Variants in TMPRSS15 observed in about 807,000 individuals in gnomAD.
TMPRSS15 encodes enteropeptidase.
In TMPRSS15, 128 loss-of-function variants were observed where a neutral mutation model predicts 125.3. The ratio of observed to expected loss-of-function variants is 1.02; its 90% CI spans 0.89 to 1.18. The LOEUF is 1.18. Ranked by LOEUF, TMPRSS15 falls within the 50% of genes most tolerant of loss-of-function variation. TMPRSS15 has a pLI of 0.00. For synonymous variants in TMPRSS15, 446 were observed against 423.2 expected (o/e 1.05, Z -0.66); for missense variants, 1,283 against 1,212.7 (o/e 1.06, Z -0.86).
chr21:18,407,448 C>CTTTT (rs201740388), upstream of TMPRSS15, among the ~76,000 whole-genome samples: 10 of 133,198 alleles, frequency 7.5e-5, no homozygotes, highest in South Asian at 2.3e-4. Context: ...TTTTTCTTTT[C>CTTTT]TTTTTTTTTT....
intron 1 of TMPRSS15, among the ~76,000 whole-genome samples, chr21:18,422,109 G>A (rs2076193467): frequency 6.6e-6 from 1 of 151,374 alleles, no homozygotes; most frequent in Non-Finnish European, 1.5e-5. Context: ...TCAGCCTCCT[G>A]AGTAGCTGGG....
At position 18,466,786 on chromosome 21, in the gene TMPRSS15, C is replaced by T. The variant is rs527540008; in HGVS notation, c.10+19013G>A. On this transcript the variant is annotated intron_variant, in intron 1 of 7. Transcript: ENST00000422787. ...AGATGCTGGAGAGGATGTGGAGAAA[C>T]AGGAATGCTTGTACACAGTTGGTGA... Among the ~76,000 whole-genome samples the T allele has an allele frequency of 2.2e-4, 33 of 152,110 alleles. No individual in the cohort carries two copies. The East Asian group carries it at 3.5e-3, about 16-fold the overall frequency.
At chr21:18,385,247 C>T (rs2075932591) in intron 3 of TMPRSS15, among the ~76,000 whole-genome samples, 1 of 152,144 alleles carries the variant, frequency 6.6e-6, no homozygotes, top group Admixed American at 6.5e-5. Flanking sequence ...CAAACTTACC[C>T]ATACATGAAA....
intron 1 of TMPRSS15, among the ~76,000 whole-genome samples, chr21:18,485,285 T>C (rs1382165602): frequency 6.6e-6 from 1 of 151,950 alleles, no homozygotes; most frequent in African/African-American, 2.4e-5. Flanking sequence ...AATTTTTTCC[T>C]CTTTATTTCA....
intron 3 of TMPRSS15, among the ~76,000 whole-genome samples, chr21:18,395,543 C>T (rs954990629): frequency 1.3e-5 from 2 of 152,160 alleles, no homozygotes; most frequent in African/African-American, 4.8e-5. Context: ...ATTTAGTTTG[C>T]TAAATGAATT....
At chr21:18,350,306 G>A (rs563839754) in intron 10 of TMPRSS15, among the ~76,000 whole-genome samples, 26 of 152,008 alleles carry the variant, frequency 1.7e-4, no homozygotes, top group Middle Eastern at 3.4e-3. Context: ...TTTGTCTTAC[G>A]GGGTTGGCAA....
chr21:18,448,089 A>G (rs1249524864), intron 1 of TMPRSS15, among the ~76,000 whole-genome samples: 6 of 152,210 alleles, frequency 3.9e-5, no homozygotes, highest in African/African-American at 1.4e-4. Context: ...TAAATACCAT[A>G]TGATCCAGTA....
At chr21:18,448,057 G>T (rs1486227932) in intron 1 of TMPRSS15, among the ~76,000 whole-genome samples, 1 of 151,974 alleles carries the variant, frequency 6.6e-6, no homozygotes, top group Non-Finnish European at 1.5e-5. Flanking sequence ...TAGTATAAAG[G>T]TTCTTCAAAA....
intron 15 of TMPRSS15, among the ~76,000 whole-genome samples, chr21:18,326,959 G>T (rs747921345): frequency 6.6e-6 from 1 of 152,054 alleles, no homozygotes; most frequent in Non-Finnish European, 1.5e-5. Flanking sequence ...AACATATTCA[G>T]TATTTTTTTG....
At chr21:18,316,006 G>C (rs1021661834) in intron 16 of TMPRSS15, among the ~76,000 whole-genome samples, 21 of 136,656 alleles carry the variant, frequency 1.5e-4, no homozygotes, top group Non-Finnish European at 3.2e-4. Flanking sequence ...GTGTACCCTA[G>C]AACTTAAAGT....
intron 6 of TMPRSS15, among the ~76,000 whole-genome samples, chr21:18,367,441 A>G (rs576063826): frequency 6.6e-6 from 1 of 152,326 alleles, no homozygotes; most frequent in African/African-American, 2.4e-5. Context: ...TTTCCACTGT[A>G]AACCATGCCA....
intron 1 of TMPRSS15, among the ~76,000 whole-genome samples, chr21:18,421,767 A>T (rs191348447): frequency 5.4e-4 from 83 of 152,316 alleles, no homozygotes; most frequent in African/African-American, 1.9e-3. Flanking sequence ...CTGATACAAA[A>T]GTTTCCCCAG....
chr21:18,396,229 A>T (rs2076033822), intron 3 of TMPRSS15, among the ~76,000 whole-genome samples: 1 of 152,088 alleles, frequency 6.6e-6, no homozygotes, highest in African/African-American at 2.4e-5. Context: ...GAGCCCACCC[A>T]TCTATGGTGA....
chr21:18,458,891 GATTAT>G (rs916162891), intron 1 of TMPRSS15, among the ~76,000 whole-genome samples: 3 of 148,220 alleles, frequency 2.0e-5, no homozygotes, highest in African/African-American at 7.9e-5. Flanking sequence ...ATCTTATGAT[GATTAT>G]ATCATTTTAA....
intron 10 of TMPRSS15, among the ~76,000 whole-genome samples, chr21:18,344,405 T>C (rs1054364883): frequency 6.6e-5 from 10 of 152,290 alleles, no homozygotes; most frequent in African/African-American, 2.2e-4. Context: ...TTTGATTAAT[T>C]CACATGAGGA....
chr21:18,321,788 CT>C (rs2075240863), intron 16 of TMPRSS15, among the ~76,000 whole-genome samples: 1 of 152,132 alleles, frequency 6.6e-6, no homozygotes, highest in African/African-American at 2.4e-5. Flanking sequence ...TCTGTAATTG[CT>C]TTTCAGTCTT....
At chr21:18,437,005 C>T (rs8126918) in intron 1 of TMPRSS15, among the ~76,000 whole-genome samples, 2,100 of 132,242 alleles carry the variant, frequency 0.016, 20 homozygotes, top group African/African-American at 0.037. Context: ...AAAAAAGAGC[C>T]CGCATCGCCA....
In TMPRSS15 at chr21:18,281,088, CCTTT is replaced by C. The variant is rs1568979678; in HGVS notation, c.2616_2619del (p.Lys873ThrfsTer6). On this transcript the variant is annotated frameshift_variant, in exon 22 of 25. Coordinates refer to ENST00000284885, the MANE Select transcript of TMPRSS15 (RefSeq NM_002772.3). LOFTEE classifies it high-confidence loss of function. Reference sequence around the variant, plus strand: ...AGATGCATCATGGCAATGTCGTTGTCCTTTCTTCGCCTATTGTAATGAGGGTTTA... The same window carrying C: ...AGATGCATCATGGCAATGTCGTTGTCCTTCGCCTATTGTAATGAGGGTTTA... The C allele has an allele frequency of 6.2e-7, 1 of 1,613,824 alleles. No homozygotes were observed. The highest frequency in any genetic ancestry group is 2.2e-5 in the East Asian group (1 of 44,842).
chr21:18,281,853 T>C (rs2074702281), intron 21 of TMPRSS15, among the ~76,000 whole-genome samples: 1 of 151,972 alleles, frequency 6.6e-6, no homozygotes, highest in Non-Finnish European at 1.5e-5. Context: ...ATCCCAGCAC[T>C]TTGGGAGGCC....
Sources: allele counts gnomAD v4.1 joint callset (sites outside exome capture counted in the v4.1 genomes callset), GRCh38; gene constraint gnomAD v4.1.1; transcripts MANE v1.5; gene names NCBI Gene and HGNC (gene_info 2026-07-23, HGNC 2026-07-21).